PLD5: variants seen among roughly 807,000 people sequenced by gnomAD.
The protein encoded by PLD5 is phospholipase D family member 5, also known as inactive phospholipase D5.
In PLD5, 36 loss-of-function variants were observed where a neutral mutation model predicts 61.1. The ratio of observed to expected loss-of-function variants is 0.59; its 90% CI spans 0.45 to 0.78. The LOEUF (loss-of-function observed/expected upper bound fraction) is 0.78. Among genes scored for constraint, PLD5 ranks in the 30% least tolerant of loss-of-function variants. PLD5 has a pLI of 0.00. For missense variants in PLD5, 515 were observed against 644.4 expected, an observed-to-expected ratio of 0.80 and a Z score of 2.17; for synonymous variants, 243 against 242.8, an observed-to-expected ratio of 1.00 and a Z score of -0.01.
At chr1:242,290,962 T>C (rs1450602549) in intron 2 of PLD5, among the ~76,000 whole-genome samples, 1 of 152,142 alleles carries the variant, frequency 6.6e-6, no homozygotes, top group African/African-American at 2.4e-5. Flanking sequence ...CCCACTGTCT[T>C]TAGGATGATG....
At chr1:242,130,600 C>T (rs778955559) in intron 5 of PLD5, among the ~76,000 whole-genome samples, 2 of 152,150 alleles carry the variant, frequency 1.3e-5, no homozygotes, top group Non-Finnish European at 2.9e-5. Context: ...TCCATACCCT[C>T]ACAAACATCT....
chr1:242,092,230 G>A (rs376132535), intron 9 of PLD5, among the ~76,000 whole-genome samples: 5 of 152,026 alleles, frequency 3.3e-5, no homozygotes, highest in African/African-American at 9.7e-5. Context: ...GAGCTCAAGC[G>A]ATTCTCCCAC....
Position 242,486,276 on chromosome 1 carries a change from G to T in PLD5, c.189+37812C>A, listed in dbSNP as rs1667956927. 2.0e-5 allele frequency among the ~76,000 whole-genome samples: 3 copies of T among 152,096 alleles called. No individual in the cohort carries two copies. The South Asian group carries it at 6.2e-4, about 32-fold the overall frequency. ...AAGAAACTACCATCAGAGTGAACAG[G>T]AAACCTACAGAATGGGAGAAAATGT... On this transcript the variant is annotated intron_variant, in intron 1 of 9. Transcript: ENST00000536534.
chr1:242,244,034 AC>A (rs1347574060), intron 4 of PLD5, among the ~76,000 whole-genome samples: 1 of 152,188 alleles, frequency 6.6e-6, no homozygotes, highest in African/African-American at 2.4e-5. Context: ...AATTGTCTGG[AC>A]CTTTTTCAAG....
Position 242,308,467 on chromosome 1 carries a change from G to A in PLD5, c.327-19937C>T, listed in dbSNP as rs570274799. On this transcript the variant is annotated intron_variant, in intron 2 of 9. Transcript: ENST00000536534. ...GATACTTTTAAAGGTACCTTCCAGA[G>A]TTAAGATGATGAATCATATCTTTTA... 2.0e-5 allele frequency among the ~76,000 whole-genome samples: 3 copies of A among 152,230 alleles called. No homozygotes were observed. In the South Asian group the frequency reaches 6.2e-4, roughly 32 times the overall value.
intron 3 of PLD5, among the ~76,000 whole-genome samples, chr1:242,287,110 C>T (rs897515299): frequency 6.6e-6 from 1 of 152,068 alleles, no homozygotes; most frequent in African/African-American, 2.4e-5. Context: ...AGGATCCAAC[C>T]ACCATGTAAA....
intron 2 of PLD5, among the ~76,000 whole-genome samples, chr1:242,305,110 A>T (rs1356203453): frequency 1.4e-5 from 2 of 145,684 alleles, no homozygotes; most frequent in African/African-American, 2.8e-5. Context: ...TTTCTCAAAA[A>T]ATAAAATAAA....
At chr1:242,289,090 C>T (rs1446094711) in intron 2 of PLD5, among the ~76,000 whole-genome samples, 2 of 152,124 alleles carry the variant, frequency 1.3e-5, no homozygotes, top group Non-Finnish European at 2.9e-5. Flanking sequence ...TGTTGCAGGG[C>T]TTTACTAATA....
intron 5 of PLD5, among the ~76,000 whole-genome samples, chr1:242,150,461 T>C (rs1352775869): frequency 6.6e-6 from 1 of 151,878 alleles, no homozygotes; most frequent in African/African-American, 2.4e-5. Flanking sequence ...TTATTTGTTT[T>C]TGCTTTATAT....
intron 4 of PLD5, among the ~76,000 whole-genome samples, chr1:242,255,504 G>A (rs1672963687): frequency 6.6e-6 from 1 of 152,248 alleles, no homozygotes; most frequent in Middle Eastern, 3.4e-3. Flanking sequence ...TCTAAATGAC[G>A]AGTTAATGGG....
At chr1:242,477,191 G>A (rs903623382) in intron 1 of PLD5, among the ~76,000 whole-genome samples, 21 of 152,050 alleles carry the variant, frequency 1.4e-4, no homozygotes, top group Admixed American at 6.5e-4. Context: ...TAGAGGTTGC[G>A]GTGAGCTGAG....
chr1:242,241,318 C>CTGAT (rs1030333072), intron 4 of PLD5, among the ~76,000 whole-genome samples: 1 of 152,074 alleles, frequency 6.6e-6, no homozygotes, highest in African/African-American at 2.4e-5. Flanking sequence ...AAAAGCCCTG[C>CTGAT]TGATTATCTT....
intron 2 of PLD5, among the ~76,000 whole-genome samples, chr1:242,302,725 A>T (rs1451151331): frequency 2.6e-5 from 4 of 152,302 alleles, no homozygotes; most frequent in East Asian, 1.9e-4. Flanking sequence ...CCTGTAAAAA[A>T]TTTTTTTAAA....
intron 1 of PLD5, among the ~76,000 whole-genome samples, chr1:242,422,417 A>G (rs1665193501): frequency 6.6e-6 from 1 of 152,206 alleles, no homozygotes; most frequent in African/African-American, 2.4e-5. Flanking sequence ...GTTTTTAGAA[A>G]AAGTGGATAA....
chr1:242,131,341 G>C (rs1312869048), intron 5 of PLD5, among the ~76,000 whole-genome samples: 1 of 152,118 alleles, frequency 6.6e-6, no homozygotes, highest in African/African-American at 2.4e-5. Context: ...AGTTATGTCA[G>C]TGGTTCCGTT....
intron 1 of PLD5, among the ~76,000 whole-genome samples, chr1:242,404,108 GCTCA>G (rs1280830251): frequency 1.3e-5 from 2 of 152,152 alleles, no homozygotes; most frequent in South Asian, 2.1e-4. Context: ...CCCACATGGA[GCTCA>G]CTGTCTAGAG....
At chr1:242,453,395 A>G (rs1666848897) in intron 1 of PLD5, among the ~76,000 whole-genome samples, 1 of 152,250 alleles carries the variant, frequency 6.6e-6, no homozygotes, top group Admixed American at 6.5e-5. Flanking sequence ...AGGCTAAGAC[A>G]AAATGCATAT....
intron 5 of PLD5, among the ~76,000 whole-genome samples, chr1:242,216,610 T>C (rs983905809): frequency 1.3e-5 from 2 of 152,238 alleles, no homozygotes; most frequent in Admixed American, 6.5e-5. Context: ...TAATCTATAC[T>C]GAATAAATGC....
chr1:242,478,657 T>C (rs548501234), intron 1 of PLD5, among the ~76,000 whole-genome samples: 1 of 152,350 alleles, frequency 6.6e-6, no homozygotes, highest in African/African-American at 2.4e-5. Flanking sequence ...GTCCCATTTG[T>C]TCATGGGAAA....
Sources: gnomAD v4.1 joint callset for allele counts (sites outside exome capture counted in the v4.1 genomes callset) on GRCh38, gnomAD v4.1.1 for gene constraint, MANE v1.5 for transcripts, NCBI Gene and HGNC (gene_info 2026-07-23, HGNC 2026-07-21) for gene names.